ZNF623: variants seen among roughly 807,000 people sequenced by gnomAD.
ZNF623 encodes zinc finger protein 623.
ZNF623 carries 16 observed loss-of-function variants against 24.0 expected under a neutral mutation model. The ratio of observed to expected loss-of-function variants is 0.67; its 90% CI spans 0.45 to 1.01. The LOEUF is 1.01. ZNF623 is among the 50% of genes least tolerant of loss of function. The pLI is 0.00. For missense variants in ZNF623, 566 were observed against 606.5 expected, an observed-to-expected ratio of 0.93 and a Z score of 0.70; for synonymous variants, 224 against 219.8, an observed-to-expected ratio of 1.02 and a Z score of -0.17.
intron 1 of ZNF623, among the ~76,000 whole-genome samples, chr8:143,643,807 T>C (rs1419786907): frequency 6.6e-6 from 1 of 152,256 alleles, no homozygotes; most frequent in Admixed American, 6.5e-5. Flanking sequence ...CCTGTGCTTT[T>C]ATGTGTGGCA....
intron 1 of ZNF623, among the ~76,000 whole-genome samples, chr8:143,645,274 T>A (rs1162999328): frequency 2.0e-5 from 3 of 151,932 alleles, no homozygotes; most frequent in Admixed American, 2.0e-4. Context: ...ACCCCGTCTC[T>A]CCTAAAAATA....
At position 143,650,827 on chromosome 8, in the gene ZNF623, T is replaced by C; in HGVS notation, c.835T>C (p.Phe279Leu). 1 of 1,614,228 alleles carries C rather than the reference T, an allele frequency of 6.2e-7. No homozygotes were observed. The highest frequency in any genetic ancestry group is 8.5e-7 in the Non-Finnish European group (1 of 1,180,038). The part of the protein sequence containing the change: ...HQRIHTGERP[F>L]ECNECGKAFI... ...GAGAATTCACACCGGAGAGAGACCC[T>C]TTGAATGCAATGAGTGTGGGAAAGC... The change falls in exon 2 of 2, where the codon TTT (phenylalanine) becomes CTT (leucine). Residue 279 changes from phenylalanine to leucine, a missense_variant. Coordinates refer to ENST00000526926, the MANE Select transcript of ZNF623 (RefSeq NM_001261843.2). The surrounding 1 kb of genome is among the most constrained non-coding windows in gnomAD (Gnocchi z 5.2).
intron 1 of ZNF623, among the ~76,000 whole-genome samples, chr8:143,647,884 C>T (rs1000476473): frequency 2.0e-5 from 3 of 152,070 alleles, no homozygotes; most frequent in Non-Finnish European, 4.4e-5. Flanking sequence ...GGGCGTCTGG[C>T]GCTGGGCATG....
At chr8:143,644,829 TA>T (rs11332349) in intron 1 of ZNF623, among the ~76,000 whole-genome samples, 112,003 of 131,248 alleles carry the variant, frequency 0.85, 47,805 homozygotes, top group East Asian at 0.94. Flanking sequence ...AGACTATCTT[TA>T]AAAAAAAAAA....
chr8:143,643,556 G>A (rs1403267090), intron 1 of ZNF623, among the ~76,000 whole-genome samples: 1 of 152,208 alleles, frequency 6.6e-6, no homozygotes, highest in Admixed American at 6.5e-5. Flanking sequence ...GCATCCCAGT[G>A]CCTGCGTGAG....
intron 1 of ZNF623, among the ~76,000 whole-genome samples, chr8:143,646,546 C>CGTGTGTGTGTGTGT (rs60526625): frequency 6.7e-6 from 1 of 149,354 alleles, no homozygotes; most frequent in African/African-American, 2.5e-5. Flanking sequence ...GGGGTGTGTG[C>CGTGTGTGTGTGTGT]GTGTGTGTGT....
At chr8:143,638,212 G>A (rs576386905) in intron 1 of ZNF623, among the ~76,000 whole-genome samples, 6 of 151,852 alleles carry the variant, frequency 4.0e-5, no homozygotes, top group Admixed American at 1.3e-4. Context: ...GTGGTGGCAC[G>A]CCCCTGTAAT....
chr8:143,636,176 A>C (rs1814914286), intron 1 of ZNF623, 31 bp downstream of exon 1: 6 of 151,868 alleles, frequency 4.0e-5, no homozygotes, highest in Admixed American at 3.9e-4. Context: ...GGGGGCGGGC[A>C]ACGCCTTAGC....
intron 1 of ZNF623, among the ~76,000 whole-genome samples, chr8:143,644,391 C>T (rs1292500648): frequency 6.6e-6 from 1 of 152,120 alleles, no homozygotes; most frequent in Non-Finnish European, 1.5e-5. Flanking sequence ...TCCCCCCTCC[C>T]TCATTATATT....
chr8:143,651,036 A>G lies in ZNF623; in HGVS notation c.1044A>G (p.Ser348=), dbSNP rs765599268. The G allele has an allele frequency of 3.7e-6, 6 of 1,614,192 alleles. No homozygotes were observed. Among genetic ancestry groups the G allele is most frequent in the South Asian group, 2.2e-5 (2 of 91,078 alleles). ...GTGGGAAAGCTTTCTTTCTGAGTTC[A>G]TACCTTATTCGACACCAGAAAATCC... The part of the protein sequence containing the change: ...NECGKAFFLS[S]YLIRHQKIHT... Residue 348 remains serine, a synonymous_variant, in exon 2 of 2, where the codon TCA becomes TCG. Coordinates refer to ENST00000526926, the MANE Select transcript of ZNF623 (RefSeq NM_001261843.2).
intron 1 of ZNF623, among the ~76,000 whole-genome samples, chr8:143,649,053 A>G (rs942259759): frequency 2.0e-5 from 3 of 152,112 alleles, no homozygotes; most frequent in Admixed American, 2.0e-4. Context: ...CGAGGCGGGC[A>G]GATCACGAGG....
At chr8:143,648,919 T>C (rs919380905) in intron 1 of ZNF623, among the ~76,000 whole-genome samples, 2 of 148,696 alleles carry the variant, frequency 1.3e-5, no homozygotes, top group African/African-American at 5.0e-5. Flanking sequence ...CTGTGGGGAG[T>C]GGGAAGGGTA....
At chr8:143,637,882 C>A (rs111658530) in intron 1 of ZNF623, among the ~76,000 whole-genome samples, 2,619 of 152,210 alleles carry the variant, frequency 0.017, 76 homozygotes, top group African/African-American at 0.06. Context: ...TTCTGTGTTA[C>A]AACAGGAGAT....
Position 143,653,555 on chromosome 8 carries a change from A to G in ZNF623, c.*2072A>G, listed in dbSNP as rs1815387227. On this transcript the variant is annotated 3_prime_UTR_variant, in exon 2 of 2. Transcript: ENST00000526926. Reference sequence around the variant, plus strand: ...AGAACCAAAAACGTTTCTGTCACCCAAAGAAGTTCCCTTTTGCCTTTTCCT... The same window carrying G: ...AGAACCAAAAACGTTTCTGTCACCCGAAGAAGTTCCCTTTTGCCTTTTCCT... The G allele has an allele frequency of 6.0e-6, 1 of 167,096 alleles. No individual in the cohort carries two copies. The highest frequency in any genetic ancestry group is 1.5e-5 in the Non-Finnish European group (1 of 68,136). 10.4% of individuals were successfully genotyped at this position (167,096 alleles called of 1,614,324 possible). A position where few individuals can be genotyped will look rare whatever the true frequency, so the allele number is the denominator to read the frequency against.
chr8:143,643,159 C>G (rs1490539443), intron 1 of ZNF623, among the ~76,000 whole-genome samples: 2 of 152,214 alleles, frequency 1.3e-5, no homozygotes, highest in Non-Finnish European at 2.9e-5. Context: ...GCGGCTCCTG[C>G]TCACAGCCAG....
At position 143,652,743 on chromosome 8, in the gene ZNF623, CAA is replaced by C. The variant is rs1815365999; in HGVS notation, c.*1261_*1262del. 1 of 167,094 alleles carries C rather than the reference CAA, an allele frequency of 6.0e-6. No homozygotes were observed. The highest frequency in any genetic ancestry group is 1.5e-5 in the Non-Finnish European group (1 of 68,130). 10.4% of individuals were successfully genotyped at this position (167,094 alleles called of 1,614,324 possible). A position where few individuals can be genotyped will look rare whatever the true frequency, so the allele number is the denominator to read the frequency against. ...CTGTCTCACTCGAAAGGCACAGTCT[CAA>C]TGCGCTACGTAACTCTTCTGTTGTA... On this transcript the variant is annotated 3_prime_UTR_variant, in exon 2 of 2. Transcript: ENST00000526926.
chr8:143,648,828 A>T (rs1327336390), intron 1 of ZNF623, among the ~76,000 whole-genome samples: 1 of 152,052 alleles, frequency 6.6e-6, no homozygotes, highest in Non-Finnish European at 1.5e-5. Context: ...CTGTTTTCTC[A>T]TTGAAACAAG....
intron 1 of ZNF623, among the ~76,000 whole-genome samples, chr8:143,640,971 A>G (rs1815037927): frequency 7.7e-6 from 1 of 130,690 alleles, no homozygotes; most frequent in African/African-American, 3.0e-5. Context: ...AAAAAAAAGC[A>G]GCAGCACCTC....
intron 1 of ZNF623, among the ~76,000 whole-genome samples, chr8:143,640,209 A>G (rs1815019571): frequency 1.3e-5 from 2 of 152,240 alleles, no homozygotes; most frequent in African/African-American, 4.8e-5. Context: ...TCAGTATGCA[A>G]TAGCATTATG....
Sources: gnomAD v4.1 joint callset for allele counts (sites outside exome capture counted in the v4.1 genomes callset) on GRCh38, gnomAD v4.1.1 for gene constraint, Gnocchi (gnomAD v3.1) non-coding constraint, MANE v1.5 for transcripts, NCBI Gene and HGNC (gene_info 2026-07-23, HGNC 2026-07-21) for gene names.